The following ATP13A5 variants were observed in gnomAD, a reference collection of about 807,000 sequenced individuals.
The protein encoded by ATP13A5 is ATPase 13A5.
Under a neutral mutation model 150.2 loss-of-function variants are expected in ATP13A5, and 149 were observed. The observed-to-expected ratio is 0.99, with a 90% CI of 0.87 to 1.14. ATP13A5 has a LOEUF of 1.14. Ranked by LOEUF, ATP13A5 falls within the 50% of genes most tolerant of loss-of-function variation. ATP13A5 has a pLI of 0.00. For missense variants in ATP13A5, 1,383 were observed against 1,449.3 expected, an observed-to-expected ratio of 0.95 and a Z score of 0.74; for synonymous variants, 497 against 522.2, an observed-to-expected ratio of 0.95 and a Z score of 0.66.
chr3:193,320,745 C>A (rs78562459), intron 16 of ATP13A5, among the ~76,000 whole-genome samples: 9,119 of 152,194 alleles, frequency 0.06, 413 homozygotes, highest in East Asian at 0.19. Flanking sequence ...ACATGAAAAT[C>A]GGAAGACAAA....
chr3:193,281,116 T>C, intron 27 of ATP13A5: 2 of 895,148 alleles, frequency 2.2e-6, no homozygotes, highest in East Asian at 1.2e-4. Context: ...ATTGCATCTC[T>C]CAGGATAAAG....
chr3:193,371,540 G>A (rs1713440999), intron 1 of ATP13A5, among the ~76,000 whole-genome samples: 1 of 152,188 alleles, frequency 6.6e-6, no homozygotes, highest in Non-Finnish European at 1.5e-5. Context: ...GCTCCTTCTG[G>A]AGCTAAGAGA....
rs141850010 is a variant in ATP13A5, at chr3:193,354,175, G to A, written c.558C>T (p.Asn186=). The part of the protein sequence containing the change: ...QEVRRLVCGP[N]AIEVEIQPIW... Reference sequence around the variant, plus strand: ...TGGGTTGGATTTCAACCTCAATGGCGTTGGGCCCACACACTAATCTTCTGC... The same window carrying A: ...TGGGTTGGATTTCAACCTCAATGGCATTGGGCCCACACACTAATCTTCTGC... Residue 186 remains asparagine, a synonymous_variant, in exon 6 of 30, where the codon AAC becomes AAT. Transcript: ENST00000342358. 3.7e-5 allele frequency: 60 copies of A among 1,612,468 alleles called. No homozygotes were observed. Among genetic ancestry groups the A allele is most frequent in the Admixed American group, 3.3e-4 (20 of 59,758 alleles).
intron 17 of ATP13A5, among the ~76,000 whole-genome samples, chr3:193,316,802 A>C (rs1044414371): frequency 1.3e-5 from 2 of 152,112 alleles, no homozygotes; most frequent in African/African-American, 4.8e-5. Context: ...TTGCTGTGCA[A>C]AACTTTTCAG....
intron 16 of ATP13A5, among the ~76,000 whole-genome samples, 172 bp downstream of exon 16, chr3:193,321,509 T>G (rs1423045073): frequency 6.6e-6 from 1 of 152,136 alleles, no homozygotes; most frequent in Non-Finnish European, 1.5e-5. Context: ...CATGCTCCTG[T>G]AATCCCAGCT....
At chr3:193,327,955 A>G (rs979155279) in intron 12 of ATP13A5, among the ~76,000 whole-genome samples, 2 of 152,252 alleles carry the variant, frequency 1.3e-5, no homozygotes, top group African/African-American at 4.8e-5. Flanking sequence ...CTACTTTTCA[A>G]GCCTATCTCT....
At chr3:193,289,529 A>G (rs1717861351) in intron 26 of ATP13A5, among the ~76,000 whole-genome samples, 1 of 152,130 alleles carries the variant, frequency 6.6e-6, no homozygotes, top group Admixed American at 6.6e-5. Context: ...GCAACAGTGG[A>G]GTTGACTAGC....
At chr3:193,316,286 T>A (rs6444700) in intron 17 of ATP13A5, among the ~76,000 whole-genome samples, 117,893 of 152,014 alleles carry the variant, frequency 0.78, 45,908 homozygotes, top group East Asian at 0.93. Context: ...GAAGATACCT[T>A]TTTTTGAGAT....
intron 6 of ATP13A5, among the ~76,000 whole-genome samples, chr3:193,353,569 A>T (rs1712652379): frequency 6.6e-6 from 1 of 152,156 alleles, no homozygotes; most frequent in South Asian, 2.1e-4. Flanking sequence ...TGGTATTTGG[A>T]GATGGGTCCC....
intron 19 of ATP13A5, chr3:193,313,805 G>T (rs976670458): frequency 2.2e-6 from 1 of 462,440 alleles, no homozygotes; most frequent in Admixed American, 3.7e-5. Flanking sequence ...TCCTACCCCA[G>T]GGGTTCTGAT....
At chr3:193,370,882 G>A (rs988257615) in intron 1 of ATP13A5, among the ~76,000 whole-genome samples, 1 of 152,196 alleles carries the variant, frequency 6.6e-6, no homozygotes, top group African/African-American at 2.4e-5. Flanking sequence ...CATTCAGTCT[G>A]GAGTAAGAAA....
intron 1 of ATP13A5, among the ~76,000 whole-genome samples, chr3:193,365,663 G>A (rs979889127): frequency 6.6e-6 from 1 of 152,076 alleles, no homozygotes; most frequent in African/African-American, 2.4e-5. Context: ...AAGTCAAAAT[G>A]TGTGCAAAAA....
chr3:193,330,337 G>T (rs1484129848), intron 12 of ATP13A5, among the ~76,000 whole-genome samples: 1 of 152,194 alleles, frequency 6.6e-6, no homozygotes. Context: ...CTCATTATGG[G>T]ACTCTCTACC....
intron 25 of ATP13A5, among the ~76,000 whole-genome samples, chr3:193,290,321 T>C (rs1416238736): frequency 6.6e-6 from 1 of 152,140 alleles, no homozygotes; most frequent in Middle Eastern, 3.2e-3. Flanking sequence ...CCATATCGCA[T>C]GGTGCAACTA....
chr3:193,332,200 G>T (rs1711659383), intron 11 of ATP13A5, among the ~76,000 whole-genome samples: 1 of 152,100 alleles, frequency 6.6e-6, no homozygotes, highest in Non-Finnish European at 1.5e-5. Flanking sequence ...TTTATAAATG[G>T]GATTTCCCCT....
intron 16 of ATP13A5, among the ~76,000 whole-genome samples, chr3:193,320,226 T>A (rs1327154273): frequency 6.6e-6 from 1 of 152,216 alleles, no homozygotes; most frequent in Non-Finnish European, 1.5e-5. Context: ...TAGTTTCTCA[T>A]CCATAAAATG....
At chr3:193,301,723 G>A (rs577729411) in intron 23 of ATP13A5, among the ~76,000 whole-genome samples, 8 of 152,248 alleles carry the variant, frequency 5.3e-5, no homozygotes, top group Admixed American at 3.9e-4. Flanking sequence ...CATGCTTCCT[G>A]GGAATTGCAT....
intron 23 of ATP13A5, among the ~76,000 whole-genome samples, chr3:193,304,626 A>G (rs1013817453): frequency 5.3e-5 from 8 of 152,220 alleles, no homozygotes; most frequent in African/African-American, 1.9e-4. Context: ...AAAACATAAA[A>G]CTGGGTGTTT....
rs554110747 is a variant in ATP13A5, at chr3:193,355,731, C to A, written c.537-1535G>T. ...TCCCTAAACCTCCCGCTGGAAAGAG[C>A]CCATAACTCAAACCATTTCAGTACT... On this transcript the variant is annotated intron_variant, in intron 5 of 29. Transcript: ENST00000342358. 3.9e-5 allele frequency among the ~76,000 whole-genome samples: 6 copies of A among 152,250 alleles called. No homozygotes were observed. In the South Asian group the frequency reaches 8.3e-4, roughly 21 times the overall value.
Sources: allele counts gnomAD v4.1 joint callset (sites outside exome capture counted in the v4.1 genomes callset), GRCh38; gene constraint gnomAD v4.1.1; transcripts MANE v1.5; gene names NCBI Gene and HGNC (gene_info 2026-07-23, HGNC 2026-07-21).